The following ADAMTS17 variants were observed in gnomAD, a reference collection of about 807,000 sequenced individuals.
ADAMTS17 encodes A disintegrin and metalloproteinase with thrombospondin motifs 17.
ADAMTS17 carries 113 observed loss-of-function variants against 141.5 expected under a neutral mutation model. The observed-to-expected ratio is 0.80, with a 90% CI of 0.69 to 0.93. The LOEUF (loss-of-function observed/expected upper bound fraction) is 0.93. Among genes scored for constraint, ADAMTS17 ranks in the 40% least tolerant of loss-of-function variants. The pLI is 0.00. For missense variants in ADAMTS17, 1,659 were observed against 1,517.9 expected (o/e 1.09, Z -1.54); for synonymous variants, 768 against 630.6 (o/e 1.22, Z -3.27).
intron 15 of ADAMTS17, among the ~76,000 whole-genome samples, chr15:100,083,556 G>A (rs563777748): frequency 1.3e-5 from 2 of 152,192 alleles, no homozygotes; most frequent in African/African-American, 2.4e-5. Context: ...TTCTCAGTCA[G>A]AAAGTTTAGC....
chr15:100,045,929 G>A (rs1010911015), intron 18 of ADAMTS17, among the ~76,000 whole-genome samples: 1 of 152,158 alleles, frequency 6.6e-6, no homozygotes, highest in African/African-American at 2.4e-5. Context: ...CACCAAGGCT[G>A]GAGTGCAGTG....
At position 100,270,186 on chromosome 15, in the gene ADAMTS17, C is replaced by G. The variant is rs532027746; in HGVS notation, c.790-7751G>C. The stretch of plus-strand genomic sequence containing the variant: ...TTCTTCTGTGGCTCTGGAGCCATTT[C>G]TTCTGTGACTCTGGAGCCATTTCTT... On this transcript the variant is annotated intron_variant, in intron 4 of 21. Coordinates refer to ENST00000268070, the MANE Select transcript of ADAMTS17 (RefSeq NM_139057.4). 1.6e-4 allele frequency among the ~76,000 whole-genome samples: 21 copies of G among 133,718 alleles called. No individual in the cohort carries two copies. The South Asian group carries it at 5.2e-3, about 33-fold the overall frequency. 87.7% of individuals were successfully genotyped at this position (133,718 alleles called of 152,430 possible).
chr15:100,118,071 A>G (rs1411711536), intron 12 of ADAMTS17, among the ~76,000 whole-genome samples: 1 of 152,244 alleles, frequency 6.6e-6, no homozygotes, highest in Non-Finnish European at 1.5e-5. Context: ...AGAAGAGGGC[A>G]GAAGCCTTTG....
In ADAMTS17 at chr15:100,132,111, C is replaced by T. The variant is rs748074154; in HGVS notation, c.1617G>A (p.Pro539=). The T allele has an allele frequency of 2.1e-5, 34 of 1,614,088 alleles. No homozygotes were observed. Among genetic ancestry groups the T allele is most frequent in the Non-Finnish European group, 2.6e-5 (31 of 1,180,008 alleles). ...GGCTCCAGTCTCCGTCCACATGCTC[C>T]GGGATGGGCGTCTTGCTCACGCACT... ...AGECVSKTPI[P]EHVDGDWSPW... Residue 539 remains proline (P), a synonymous_variant, in exon 12 of 22, where the codon CCG becomes CCA. Transcript: ENST00000268070.
Position 99,972,103 on chromosome 15 carries a change from T to C in ADAMTS17, c.*2299A>G, listed in dbSNP as rs1329861522. On this transcript the variant is annotated 3_prime_UTR_variant, in exon 22 of 22. Transcript: ENST00000268070. ...CGTCTCTAGTAAAAATACAAAAAAG[T>C]AGGTGGGCGTGGTGGTGGGCGCCTG... 1 of 152,074 alleles carries C rather than the reference T, an allele frequency of 6.6e-6. No individual in the cohort carries two copies. The highest frequency in any genetic ancestry group is 1.5e-5 in the Non-Finnish European group (1 of 68,106). The allele number at this position is 152,074 out of a possible 1,614,324, so 9.4% of individuals were successfully genotyped here. A position where few individuals can be genotyped will look rare whatever the true frequency, so the allele number is the denominator to read the frequency against.
In ADAMTS17 at chr15:99,974,503, C is replaced by A. The variant is rs777160312; in HGVS notation, c.3187G>T (p.Glu1063Ter). The A allele has an allele frequency of 1.9e-6, 3 of 1,614,092 alleles. No homozygotes were observed. Among genetic ancestry groups the A allele is most frequent in the Non-Finnish European group, 2.5e-6 (3 of 1,180,020 alleles). Reference sequence around the variant, plus strand: ...CGCATGTCCTGGCAGAGGTTCTTTTCTCGGATGACCCGGCAATATACCGTC... The same window carrying A: ...CGCATGTCCTGGCAGAGGTTCTTTTATCGGATGACCCGGCAATATACCGTC... ...QWTVYCRVIR[E>*]KNLCQDMRWY... Residue 1063 changes from glutamate to a stop codon, truncating the protein, a stop_gained, in exon 22 of 22, where the codon GAA becomes TAA. Coordinates refer to ENST00000268070, the MANE Select transcript of ADAMTS17 (RefSeq NM_139057.4). LOFTEE classifies it high-confidence loss of function.
intron 8 of ADAMTS17, among the ~76,000 whole-genome samples, chr15:100,191,438 C>T (rs777053815): frequency 7.2e-5 from 11 of 152,210 alleles, no homozygotes; most frequent in Non-Finnish European, 8.8e-5. Context: ...GAGTTTCCCT[C>T]CCTCCAAGCC....
rs1310572376 is a variant in ADAMTS17, at chr15:100,120,615, C to T, written c.1722-3602G>A. ...CATCTAGGAGAACTTAGAAAGCCACCAGCAATGGCTAGGAAAAGATACAGG... is the reference window on the plus strand; with the variant it reads ...CATCTAGGAGAACTTAGAAAGCCACTAGCAATGGCTAGGAAAAGATACAGG... On this transcript the variant is annotated intron_variant, in intron 12 of 21. Coordinates refer to ENST00000268070, the MANE Select transcript of ADAMTS17 (RefSeq NM_139057.4). Among the ~76,000 whole-genome samples, 11 of 152,142 alleles carry T rather than the reference C, an allele frequency of 7.2e-5. 1 individual carries two copies. Among genetic ancestry groups the T allele is most frequent in the Admixed American group, 7.2e-4 (11 of 15,274 alleles).
chr15:100,329,552 C>T (rs2045988261), intron 3 of ADAMTS17, among the ~76,000 whole-genome samples: 1 of 149,348 alleles, frequency 6.7e-6, no homozygotes, highest in Non-Finnish European at 1.5e-5. Flanking sequence ...GCCATACTGA[C>T]ATCAAATCCA....
chr15:100,163,938 C>G (rs957674574), intron 8 of ADAMTS17, among the ~76,000 whole-genome samples: 7 of 152,224 alleles, frequency 4.6e-5, no homozygotes, highest in Non-Finnish European at 1.0e-4. Context: ...AAGCGGCCAT[C>G]ATCTCCCCTA....
At chr15:100,114,312 G>C (rs556721264) in intron 13 of ADAMTS17, among the ~76,000 whole-genome samples, 1 of 152,078 alleles carries the variant, frequency 6.6e-6, no homozygotes, top group Non-Finnish European at 1.5e-5. Context: ...AGAGCCCGGA[G>C]CCCAACCACA....
In ADAMTS17 at chr15:100,176,168, C is replaced by A. The variant is rs187548780; in HGVS notation, c.1182-20848G>T. Among the ~76,000 whole-genome samples, 37 of 152,318 alleles carry A rather than the reference C, an allele frequency of 2.4e-4. 1 individual carries two copies. Among genetic ancestry groups the A allele is most frequent in the Admixed American group, 2.2e-3 (34 of 15,310 alleles). Reference sequence around the variant, plus strand: ...TCCAATGGGAAAGGAGGCCTAACGACAGCAGTGAAGAAAGAAGAGTGGTTA... The same window carrying A: ...TCCAATGGGAAAGGAGGCCTAACGAAAGCAGTGAAGAAAGAAGAGTGGTTA... On this transcript the variant is annotated intron_variant, in intron 8 of 21. Coordinates refer to ENST00000268070, the MANE Select transcript of ADAMTS17 (RefSeq NM_139057.4).
chr15:100,014,363 A>G (rs1391411819), intron 18 of ADAMTS17, among the ~76,000 whole-genome samples: 1 of 151,812 alleles, frequency 6.6e-6, no homozygotes, highest in African/African-American at 2.4e-5. Context: ...TTTAAATTCA[A>G]TTTCATTTAG....
At chr15:100,033,278 G>A (rs1009141540) in intron 18 of ADAMTS17, among the ~76,000 whole-genome samples, 4 of 152,250 alleles carry the variant, frequency 2.6e-5, no homozygotes, top group African/African-American at 9.6e-5. Context: ...TTGGTAACAG[G>A]TTGTACCACA....
At chr15:100,306,598 C>T (rs764965554) in intron 3 of ADAMTS17, 6 of 455,316 alleles carry the variant, frequency 1.3e-5, no homozygotes, top group Admixed American at 2.4e-5. Flanking sequence ...CTATGTCCAC[C>T]GTGCCTTGTC....
At chr15:100,001,232 C>T (rs2060914967) in intron 18 of ADAMTS17, among the ~76,000 whole-genome samples, 1 of 152,128 alleles carries the variant, frequency 6.6e-6, no homozygotes, top group Admixed American at 6.5e-5. Context: ...CTAGAATCAG[C>T]CACATCTCTC....
chr15:100,155,389 G>T (rs576270980), intron 8 of ADAMTS17, 69 bp from the exon 9 acceptor site: 2 of 1,571,358 alleles, frequency 1.3e-6, no homozygotes, highest in African/African-American at 1.4e-5. Context: ...TGGTGCTAGC[G>T]GACCATGCTA....
chr15:100,079,899 T>C (rs371790160), intron 15 of ADAMTS17, among the ~76,000 whole-genome samples: 1 of 152,208 alleles, frequency 6.6e-6, no homozygotes, highest in African/African-American at 2.4e-5. Flanking sequence ...GGTCTTACCA[T>C]GTTCTCCATC....
chr15:99,994,278 G>A (rs2060750778), intron 19 of ADAMTS17, among the ~76,000 whole-genome samples: 1 of 152,116 alleles, frequency 6.6e-6, no homozygotes, highest in Non-Finnish European at 1.5e-5. Context: ...CCACAAATAT[G>A]GCAGGCGACA....
Sources: allele counts gnomAD v4.1 joint callset (sites outside exome capture counted in the v4.1 genomes callset), GRCh38; gene constraint gnomAD v4.1.1; transcripts MANE v1.5; gene names NCBI Gene and HGNC (gene_info 2026-07-23, HGNC 2026-07-21).